The following HIVEP2 variants were observed in gnomAD, a reference collection of about 807,000 sequenced individuals.
The protein encoded by HIVEP2 is HIVEP zinc finger 2.
In HIVEP2, 14 loss-of-function variants were observed where a neutral mutation model predicts 180.7. That is an observed-to-expected ratio of 0.08 (90% CI 0.05 to 0.12). The LOEUF (loss-of-function observed/expected upper bound fraction) is 0.12. HIVEP2 is among the 10% of genes least tolerant of loss of function. The pLI, the probability that HIVEP2 is intolerant of heterozygous loss-of-function variation, is 1.00. For missense variants in HIVEP2, 2,579 were observed against 3,008.5 expected, an observed-to-expected ratio of 0.86 and a Z score of 3.34; for synonymous variants, 1,184 against 1,136.4, an observed-to-expected ratio of 1.04 and a Z score of -0.84.
chr6:142,891,702 T>C (rs1323706892), intron 1 of HIVEP2, among the ~76,000 whole-genome samples: 5 of 152,122 alleles, frequency 3.3e-5, no homozygotes. Flanking sequence ...ATGAGAGACT[T>C]TGAGTCACTC....
chr6:142,818,528 G>A (rs1384158906), intron 2 of HIVEP2, among the ~76,000 whole-genome samples: 1 of 151,816 alleles, frequency 6.6e-6, no homozygotes, highest in African/African-American at 2.4e-5. Flanking sequence ...AATTAGCCAG[G>A]CGTGGTGGCA....
chr6:142,815,887 G>A (rs1776821791), intron 2 of HIVEP2, among the ~76,000 whole-genome samples: 1 of 152,184 alleles, frequency 6.6e-6, no homozygotes, highest in Non-Finnish European at 1.5e-5. Flanking sequence ...ATCTGGTAAA[G>A]TTTTGGGGAC....
At chr6:142,870,804 G>A (rs1351592193) in intron 1 of HIVEP2, among the ~76,000 whole-genome samples, 1 of 152,078 alleles carries the variant, frequency 6.6e-6, no homozygotes, top group South Asian at 2.1e-4. Context: ...CAGGAGGCAA[G>A]CCCATTTAAT....
chr6:142,793,673 T>TCTCTCTCTCTCTCTCTCTCTCTCTC (rs1562521411), intron 2 of HIVEP2, among the ~76,000 whole-genome samples: 1 of 107,424 alleles, frequency 9.3e-6, no homozygotes, highest in African/African-American at 3.7e-5. Flanking sequence ...CTTTCTTTCT[T>TCTCTCTCTCTCTCTCTCTCTCTCTC]TCTCTCTCTC....
intron 1 of HIVEP2, among the ~76,000 whole-genome samples, chr6:142,934,485 A>G (rs1050499066): frequency 6.6e-6 from 1 of 152,146 alleles, no homozygotes; most frequent in Admixed American, 6.5e-5. Flanking sequence ...GATATCTGAA[A>G]TCCTCATTTT....
Position 142,758,986 on chromosome 6 carries a change from C to T in HIVEP2, c.6516+786G>A, listed in dbSNP as rs185240715. On this transcript the variant is annotated intron_variant, in intron 9 of 9. Coordinates refer to ENST00000367603, the MANE Select transcript of HIVEP2 (RefSeq NM_006734.4). Reference sequence around the variant, plus strand: ...GTTTCACATGTCCCCTCATGATGGGCAAGGTAGAGTTTATTAAAAAAAGGA... The same window carrying T: ...GTTTCACATGTCCCCTCATGATGGGTAAGGTAGAGTTTATTAAAAAAAGGA... Among the ~76,000 whole-genome samples, 95 of 152,122 alleles carry T rather than the reference C, an allele frequency of 6.2e-4. 1 individual carries two copies. Among genetic ancestry groups the T allele is most frequent in the African/African-American group, 2.2e-3 (93 of 41,464 alleles).
chr6:142,792,442 TTCTCAGC>T (rs1429139770), intron 2 of HIVEP2, among the ~76,000 whole-genome samples: 17 of 152,258 alleles, frequency 1.1e-4, no homozygotes, highest in African/African-American at 3.1e-4. Context: ...GAAGCCATCA[TTCTCAGC>T]AAACTAACAG....
chr6:142,929,832 TC>T (rs1314846172), intron 1 of HIVEP2, among the ~76,000 whole-genome samples: 1 of 152,190 alleles, frequency 6.6e-6, no homozygotes, highest in Non-Finnish European at 1.5e-5. Context: ...GCTTCTGAGA[TC>T]CAAGTTCTCT....
intron 1 of HIVEP2, among the ~76,000 whole-genome samples, chr6:142,881,498 T>C (rs1231376568): frequency 6.6e-6 from 1 of 152,176 alleles, no homozygotes; most frequent in African/African-American, 2.4e-5. Context: ...TTCCTGTGCA[T>C]CCTTTAGTTC....
At position 142,752,890 on chromosome 6, in the gene HIVEP2, G is replaced by T. The variant is rs978070260; in HGVS notation, c.*217C>A. The T allele has an allele frequency of 3.3e-5, 17 of 517,318 alleles. No homozygotes were observed. The highest frequency in any genetic ancestry group is 5.8e-5 in the Non-Finnish European group (17 of 291,772). The allele number at this position is 517,318 out of a possible 1,614,324, so 32.0% of individuals were successfully genotyped here. ...CACAAACATCTGTACAATTTTAAAA[G>T]TACCAGACCCAATAGGTTAATTTCA... On this transcript the variant is annotated 3_prime_UTR_variant, in exon 10 of 10. Transcript: ENST00000367603.
intron 1 of HIVEP2, among the ~76,000 whole-genome samples, chr6:142,855,082 G>A (rs570877056): frequency 3.3e-5 from 5 of 152,318 alleles, no homozygotes; most frequent in Admixed American, 6.5e-5. Context: ...AAAAGGTAAA[G>A]AGAAGGGAAT....
chr6:142,887,418 G>C (rs142020505), intron 1 of HIVEP2, among the ~76,000 whole-genome samples: 2 of 152,232 alleles, frequency 1.3e-5, no homozygotes, highest in East Asian at 1.9e-4. Flanking sequence ...AAATGATCAT[G>C]TTTCACCCTG....
At chr6:142,842,798 GA>G (rs1775403075) in intron 1 of HIVEP2, among the ~76,000 whole-genome samples, 1 of 150,636 alleles carries the variant, frequency 6.6e-6, no homozygotes, top group South Asian at 2.1e-4. Flanking sequence ...CTTAGTATAA[GA>G]TTTTTTTTTA....
chr6:142,828,256 T>C (rs190968357), intron 2 of HIVEP2, among the ~76,000 whole-genome samples: 2 of 152,330 alleles, frequency 1.3e-5, no homozygotes, highest in African/African-American at 2.4e-5. Flanking sequence ...TCCAGCTACA[T>C]TTCTGACAGT....
chr6:142,901,315 A>G (rs1777128029), intron 1 of HIVEP2, among the ~76,000 whole-genome samples: 1 of 152,222 alleles, frequency 6.6e-6, no homozygotes, highest in Admixed American at 6.5e-5. Context: ...AACGTCGCAT[A>G]ACCAGTAAGT....
At chr6:142,810,362 A>G (rs906599598) in intron 2 of HIVEP2, among the ~76,000 whole-genome samples, 1 of 152,212 alleles carries the variant, frequency 6.6e-6, no homozygotes, top group Non-Finnish European at 1.5e-5. Flanking sequence ...CATAGTCCAC[A>G]TCTTTGGGGC....
At chr6:142,846,828 G>A (rs980022161) in intron 1 of HIVEP2, among the ~76,000 whole-genome samples, 8 of 152,320 alleles carry the variant, frequency 5.3e-5, no homozygotes, top group African/African-American at 1.9e-4. Flanking sequence ...ACCTGTAAGA[G>A]TGTAAAAGAA....
intron 2 of HIVEP2, among the ~76,000 whole-genome samples, chr6:142,824,173 A>C (rs1777117141): frequency 6.6e-6 from 1 of 152,182 alleles, no homozygotes; most frequent in South Asian, 2.1e-4. Flanking sequence ...GAGTTCAAAA[A>C]CTTAAAAAGC....
intron 1 of HIVEP2, among the ~76,000 whole-genome samples, chr6:142,936,617 A>G (rs568174812): frequency 2.0e-5 from 3 of 152,342 alleles, no homozygotes; most frequent in South Asian, 2.1e-4. Flanking sequence ...AAATATATGT[A>G]CATACACACA....
Sources: allele counts gnomAD v4.1 joint callset (sites outside exome capture counted in the v4.1 genomes callset), GRCh38; gene constraint gnomAD v4.1.1; transcripts MANE v1.5; gene names NCBI Gene and HGNC (gene_info 2026-07-23, HGNC 2026-07-21).